The following KCNMB2 variants were observed in gnomAD, a reference collection of about 807,000 sequenced individuals.
KCNMB2 encodes calcium-activated potassium channel subunit beta-2.
A neutral mutation model predicts 24.5 loss-of-function variants in KCNMB2; 9 were observed. The observed-to-expected ratio is 0.37, with a 90% CI of 0.22 to 0.64. KCNMB2 has a LOEUF of 0.64. KCNMB2 is among the 30% of genes least tolerant of loss of function. The pLI is 0.63. For missense variants in KCNMB2, 226 were observed against 284.3 expected, an observed-to-expected ratio of 0.79 and a Z score of 1.47; for synonymous variants, 109 against 104.4, an observed-to-expected ratio of 1.04 and a Z score of -0.27.
chr3:178,623,785 T>C (rs1719003903), intron 1 of KCNMB2, among the ~76,000 whole-genome samples: 2 of 152,208 alleles, frequency 1.3e-5, no homozygotes, highest in South Asian at 4.1e-4. Context: ...AAATCCATAC[T>C]GGTGGACCGT....
intron 1 of KCNMB2, among the ~76,000 whole-genome samples, chr3:178,563,200 T>G (rs375049909): frequency 6.6e-6 from 1 of 152,234 alleles, no homozygotes; most frequent in East Asian, 1.9e-4. Context: ...ATTACAGATA[T>G]TTTAGCTTCT....
chr3:178,711,310 A>G (rs374220957), intron 1 of KCNMB2, among the ~76,000 whole-genome samples: 165 of 152,222 alleles, frequency 1.1e-3, no homozygotes, highest in African/African-American at 3.7e-3. Context: ...ACAAGTAAAA[A>G]CTCTTAATAT....
At position 178,618,736 on chromosome 3, in the gene KCNMB2, A is replaced by G. The variant is rs186258560; in HGVS notation, c.-68+82025A>G. Among the ~76,000 whole-genome samples, 21 of 152,298 alleles carry G rather than the reference A, an allele frequency of 1.4e-4. No homozygotes were observed. The East Asian group carries it at 4.1e-3, about 29-fold the overall frequency. On this transcript the variant is annotated intron_variant, in intron 1 of 4. Coordinates refer to ENST00000452583, the MANE Select transcript of KCNMB2 (RefSeq NM_181361.3). ...GCTTTTTATAGCCTTTTACTTACAT[A>G]GTTTATTCTCTTGTGAATTTAGCCT... is the stretch of plus-strand genomic sequence containing the variant.
chr3:178,720,188 T>A (rs941403756), intron 1 of KCNMB2, among the ~76,000 whole-genome samples: 7 of 152,032 alleles, frequency 4.6e-5, no homozygotes, highest in East Asian at 1.9e-4. Flanking sequence ...TGTCCATGTG[T>A]TCTCATTGTT....
At chr3:178,639,154 A>G (rs1206917687) in intron 1 of KCNMB2, among the ~76,000 whole-genome samples, 2 of 152,206 alleles carry the variant, frequency 1.3e-5, no homozygotes, top group East Asian at 3.8e-4. Flanking sequence ...GCCATGTTAA[A>G]ATAATTCCAG....
At chr3:178,636,896 C>A (rs1163786076) in intron 1 of KCNMB2, among the ~76,000 whole-genome samples, 2 of 152,094 alleles carry the variant, frequency 1.3e-5, no homozygotes, top group African/African-American at 2.4e-5. Flanking sequence ...GTTGTTCCCC[C>A]ATGTGTCCAC....
chr3:178,541,641 G>A (rs898027922), intron 1 of KCNMB2, among the ~76,000 whole-genome samples: 1 of 152,116 alleles, frequency 6.6e-6, no homozygotes, highest in Non-Finnish European at 1.5e-5. Context: ...TTTCTAGAAT[G>A]TTTTATAGTG....
intron 2 of KCNMB2, among the ~76,000 whole-genome samples, chr3:178,813,695 T>C (rs1346900750): frequency 6.6e-6 from 1 of 152,234 alleles, no homozygotes; most frequent in Non-Finnish European, 1.5e-5. Context: ...GGGCTGCCTT[T>C]TCCAAACTCA....
At chr3:178,557,351 G>A (rs116336152) in intron 1 of KCNMB2, among the ~76,000 whole-genome samples, 1,741 of 152,206 alleles carry the variant, frequency 0.011, 26 homozygotes, top group African/African-American at 0.04. Flanking sequence ...CCGGGGTGGC[G>A]GAGTAAGAAA....
At chr3:178,688,372 G>C (rs1026876412) in intron 1 of KCNMB2, among the ~76,000 whole-genome samples, 1 of 152,054 alleles carries the variant, frequency 6.6e-6, no homozygotes, top group Non-Finnish European at 1.5e-5. Flanking sequence ...TTGATTTAAT[G>C]ATATGATACC....
intron 3 of KCNMB2, 66 bp downstream of exon 3, chr3:178,825,824 G>A (rs1398226876): frequency 2.3e-6 from 3 of 1,321,248 alleles, no homozygotes; most frequent in Non-Finnish European, 3.2e-6. Flanking sequence ...CATCACTTAG[G>A]CAACCCTAAG....
At chr3:178,664,411 C>G (rs1213942534) in intron 1 of KCNMB2, among the ~76,000 whole-genome samples, 3 of 152,030 alleles carry the variant, frequency 2.0e-5, no homozygotes, top group Non-Finnish European at 2.9e-5. Context: ...GTCTGAATGA[C>G]AGAGGGGATG....
Position 178,691,107 on chromosome 3 carries a change from C to CTTTTTTTTTTTTTTTTTTTTTTTTTTTTT in KCNMB2, c.-67-116216_-67-116215insTTTTTTTTTTTTTTTTTTTTTTTTTTTTT, listed in dbSNP as rs71181241. On this transcript the variant is annotated intron_variant, in intron 1 of 4. Transcript: ENST00000452583. ...TGTACAGCATAATTCCCCATTAAGTCTTTTTTTTTTTTTTTTTTTTGATAG... is the reference window on the plus strand; with the variant it reads ...TGTACAGCATAATTCCCCATTAAGTCTTTTTTTTTTTTTTTTTTTTTTTTTTTTTTTTTTTTTTTTTTTTTTTTTGATAG... 7.4e-4 allele frequency among the ~76,000 whole-genome samples: 59 copies of CTTTTTTTTTTTTTTTTTTTTTTTTTTTTT among 79,724 alleles called. 9 individuals are homozygous for CTTTTTTTTTTTTTTTTTTTTTTTTTTTTT. Among genetic ancestry groups the CTTTTTTTTTTTTTTTTTTTTTTTTTTTTT allele is most frequent in the African/African-American group, 1.3e-3 (21 of 16,304 alleles). 52.3% of individuals were successfully genotyped at this position (79,724 alleles called of 152,430 possible). A position where few individuals can be genotyped will look rare whatever the true frequency, so the allele number is the denominator to read the frequency against.
chr3:178,620,659 CATTTTACACGTTAGG>C (rs1281445529), intron 1 of KCNMB2, among the ~76,000 whole-genome samples: 1 of 152,186 alleles, frequency 6.6e-6, no homozygotes, highest in African/African-American at 2.4e-5. Flanking sequence ...TTCATACCAT[CATTTTACACGTTAGG>C]ATTTCAACAT....
intron 1 of KCNMB2, among the ~76,000 whole-genome samples, chr3:178,797,062 T>G (rs1428402517): frequency 1.3e-5 from 2 of 152,106 alleles, no homozygotes; most frequent in Non-Finnish European, 2.9e-5. Context: ...GCATTACACC[T>G]GATACTGCAG....
At chr3:178,738,098 C>T (rs552750050) in intron 1 of KCNMB2, among the ~76,000 whole-genome samples, 2 of 152,226 alleles carry the variant, frequency 1.3e-5, no homozygotes, top group South Asian at 4.1e-4. Flanking sequence ...ACCTTTAGTA[C>T]TAATTTCCTT....
At chr3:178,734,859 T>C (rs1338683973) in intron 1 of KCNMB2, among the ~76,000 whole-genome samples, 2 of 152,224 alleles carry the variant, frequency 1.3e-5, no homozygotes, top group African/African-American at 4.8e-5. Context: ...TTCCAAAGAT[T>C]CCCACAAACT....
At chr3:178,811,242 C>G (rs1245815797) in intron 2 of KCNMB2, among the ~76,000 whole-genome samples, 1 of 152,014 alleles carries the variant, frequency 6.6e-6, no homozygotes, top group Non-Finnish European at 1.5e-5. Context: ...TATAAACATC[C>G]AGGTACCCAT....
chr3:178,773,384 T>C (rs764238528), intron 1 of KCNMB2, among the ~76,000 whole-genome samples: 2 of 152,196 alleles, frequency 1.3e-5, no homozygotes, highest in Non-Finnish European at 2.9e-5. Flanking sequence ...TATGTATTTA[T>C]AGCAGTAAAT....
Sources: gnomAD v4.1 joint callset for allele counts (sites outside exome capture counted in the v4.1 genomes callset) on GRCh38, gnomAD v4.1.1 for gene constraint, MANE v1.5 for transcripts, NCBI Gene and HGNC (gene_info 2026-07-23, HGNC 2026-07-21) for gene names.